Variants in DSCAM observed in about 807,000 individuals in gnomAD.
DSCAM encodes cell adhesion molecule DSCAM.
A neutral mutation model predicts 217.7 loss-of-function variants in DSCAM; 47 were observed. That is an observed-to-expected ratio of 0.22 (90% CI 0.17 to 0.28). The LOEUF (loss-of-function observed/expected upper bound fraction) is 0.28, where lower values mean the gene tolerates loss of function less well. Among genes scored for constraint, DSCAM ranks in the 10% least tolerant of loss-of-function variants. The pLI, the probability that DSCAM is intolerant of heterozygous loss-of-function variation, is 1.00. For missense variants in DSCAM, 2,080 were observed against 2,618.3 expected (o/e 0.79, Z 4.49); for synonymous variants, 1,056 against 1,015.3 (o/e 1.04, Z -0.76).
intron 8 of DSCAM, among the ~76,000 whole-genome samples, chr21:40,337,169 G>A (rs1375383270): frequency 2.0e-5 from 3 of 152,118 alleles, no homozygotes; most frequent in Non-Finnish European, 4.4e-5. Context: ...GGGAAAAGAA[G>A]CTTGGGGAAG....
chr21:40,263,446 T>C (rs746672842), intron 11 of DSCAM, among the ~76,000 whole-genome samples: 9 of 152,192 alleles, frequency 5.9e-5, no homozygotes, highest in African/African-American at 2.2e-4. Context: ...TTAAGCAATC[T>C]ACCTCTGAAT....
At chr21:40,296,001 T>C (rs1432143470) in intron 10 of DSCAM, 54 bp downstream of exon 10, 2 of 1,591,252 alleles carry the variant, frequency 1.3e-6, no homozygotes, top group East Asian at 4.5e-5. Context: ...TATCTAATCC[T>C]TTAGAACATA....
At chr21:40,596,869 CAT>C (rs3070786) in intron 3 of DSCAM, among the ~76,000 whole-genome samples, 7 of 150,814 alleles carry the variant, frequency 4.6e-5, no homozygotes, top group East Asian at 1.9e-4. Context: ...ACAAATATTT[CAT>C]ATATATATAT....
At chr21:40,472,846 A>G (rs753495252) in intron 3 of DSCAM, among the ~76,000 whole-genome samples, 2 of 152,188 alleles carry the variant, frequency 1.3e-5, no homozygotes, top group Non-Finnish European at 2.9e-5. Flanking sequence ...TGATGCAGAA[A>G]CCAGGTGCCA....
chr21:40,033,986 A>G (rs1287181925), intron 32 of DSCAM, among the ~76,000 whole-genome samples: 1 of 111,936 alleles, frequency 8.9e-6, no homozygotes, highest in Non-Finnish European at 1.9e-5. Flanking sequence ...TAGAAGGAAA[A>G]CTAACAAACA....
chr21:40,564,154 C>T (rs1174691909), intron 3 of DSCAM, among the ~76,000 whole-genome samples: 1 of 152,132 alleles, frequency 6.6e-6, no homozygotes, highest in Non-Finnish European at 1.5e-5. Context: ...AAAAAGAAAT[C>T]AACATAAAAC....
At chr21:40,638,668 C>T (rs758060644) in intron 3 of DSCAM, among the ~76,000 whole-genome samples, 1 of 152,136 alleles carries the variant, frequency 6.6e-6, no homozygotes, top group Non-Finnish European at 1.5e-5. Context: ...CACTGTTCAC[C>T]AGTTGTGTGT....
intron 3 of DSCAM, among the ~76,000 whole-genome samples, chr21:40,406,208 T>C (rs548875325): frequency 5.5e-4 from 83 of 152,136 alleles, no homozygotes; most frequent in Non-Finnish European, 1.0e-3. Context: ...GTGGAGAACA[T>C]AAGCTAGGAC....
In DSCAM at chr21:40,111,390, G is replaced by A. The variant is rs865813263; in HGVS notation, c.3696+12805C>T. Among the ~76,000 whole-genome samples, 5 of 151,626 alleles carry A rather than the reference G, an allele frequency of 3.3e-5. No homozygotes were observed. The East Asian group carries it at 5.8e-4, about 18-fold the overall frequency. ...TGAGAGATTTTGTCACCACCAGGCCGGCCCTAAAAGAGCTCCTAAAGGAAG... is the reference window on the plus strand; with the variant it reads ...TGAGAGATTTTGTCACCACCAGGCCAGCCCTAAAAGAGCTCCTAAAGGAAG... On this transcript the variant is annotated intron_variant, in intron 20 of 32. Transcript: ENST00000400454.
At chr21:40,609,955 G>T (rs1288149807) in intron 3 of DSCAM, among the ~76,000 whole-genome samples, 1 of 152,142 alleles carries the variant, frequency 6.6e-6, no homozygotes, top group Admixed American at 6.5e-5. Flanking sequence ...CCAACAAAGA[G>T]GTCACAGTTC....
chr21:40,516,634 G>C (rs536364242), intron 3 of DSCAM, among the ~76,000 whole-genome samples: 1 of 152,112 alleles, frequency 6.6e-6, no homozygotes, highest in African/African-American at 2.4e-5. Flanking sequence ...CGTTGCCATG[G>C]AAATAGAACA....
At chr21:40,798,326 A>G (rs560467223) in intron 1 of DSCAM, among the ~76,000 whole-genome samples, 14 of 152,240 alleles carry the variant, frequency 9.2e-5, no homozygotes, top group Middle Eastern at 3.4e-3. Context: ...CATCACAGAC[A>G]CACCCTAAAT....
At chr21:40,448,763 A>T (rs145135286) in intron 3 of DSCAM, among the ~76,000 whole-genome samples, 1 of 152,334 alleles carries the variant, frequency 6.6e-6, no homozygotes, top group African/African-American at 2.4e-5. Context: ...CACAAAATCA[A>T]TTCAAAAATA....
intron 20 of DSCAM, among the ~76,000 whole-genome samples, chr21:40,098,575 C>T (rs950001933): frequency 1.3e-5 from 2 of 152,346 alleles, no homozygotes; most frequent in East Asian, 3.9e-4. Flanking sequence ...GAAGGACTTA[C>T]TTTTACTCTT....
At chr21:40,441,911 C>T (rs1200468356) in intron 3 of DSCAM, among the ~76,000 whole-genome samples, 1 of 152,168 alleles carries the variant, frequency 6.6e-6, no homozygotes, top group Non-Finnish European at 1.5e-5. Flanking sequence ...TCTTCCACTG[C>T]TCTTTTTCAT....
chr21:40,069,491 C>T (rs1393636906), intron 27 of DSCAM, among the ~76,000 whole-genome samples: 1 of 152,220 alleles, frequency 6.6e-6, no homozygotes, highest in East Asian at 1.9e-4. Context: ...AGAGGCTGAA[C>T]TGCCTCACAT....
At chr21:40,444,718 G>C (rs1160310986) in intron 3 of DSCAM, among the ~76,000 whole-genome samples, 2 of 152,332 alleles carry the variant, frequency 1.3e-5, no homozygotes, top group East Asian at 3.9e-4. Context: ...GGCCCATGAT[G>C]TTGTAACTTG....
In DSCAM at chr21:40,142,652, G is replaced by A; in HGVS notation, c.3312C>T (p.Ser1104=). 6.2e-7 allele frequency: 1 copy of A among 1,614,176 alleles called. No homozygotes were observed. The highest frequency in any genetic ancestry group is 8.5e-7 in the Non-Finnish European group (1 of 1,180,014). The change falls in exon 18 of 33, where the codon AGC becomes AGT. Residue 1104 remains serine, a synonymous_variant. Transcript: ENST00000400454. ...NVQAIATSPE[S]ISISWSTLSK... is the part of the protein sequence containing the mutation. ...AAAGTGTGGACCAGGATATTGATAT[G>A]CTTTCTGGTGATGTTGCTATGGCTT... is the stretch of plus-strand genomic sequence containing the variant.
chr21:40,107,996 T>A (rs1368685363), intron 20 of DSCAM, among the ~76,000 whole-genome samples: 3 of 152,176 alleles, frequency 2.0e-5, no homozygotes, highest in African/African-American at 7.2e-5. Context: ...AAACTAGTTA[T>A]TGAAGGAACA....
Sources: gnomAD v4.1 joint callset for allele counts (sites outside exome capture counted in the v4.1 genomes callset) on GRCh38, gnomAD v4.1.1 for gene constraint, MANE v1.5 for transcripts, NCBI Gene and HGNC (gene_info 2026-07-23, HGNC 2026-07-21) for gene names.